The following TSEN15 variants were observed in gnomAD, a reference collection of about 807,000 sequenced individuals.
TSEN15 encodes the protein tRNA splicing endonuclease subunit 15, also known as tRNA-splicing endonuclease subunit Sen15.
A neutral mutation model predicts 20.5 loss-of-function variants in TSEN15; 10 were observed. The ratio of observed to expected loss-of-function variants is 0.49; its 90% confidence interval spans 0.30 to 0.83. The LOEUF is 0.83. Ranked by LOEUF, TSEN15 falls within the 40% of genes least tolerant of loss-of-function variation. The pLI, the probability that TSEN15 is intolerant of heterozygous loss-of-function variation, is 0.06. For missense variants in TSEN15, 180 were observed against 218.6 expected (o/e 0.82, Z 1.11); for synonymous variants, 72 against 80.1 (o/e 0.90, Z 0.54).
chr1:184,095,129 C>T (rs1476173389), intron 3 of TSEN15: 3 of 398,538 alleles, frequency 7.5e-6, no homozygotes, highest in Non-Finnish European at 4.4e-6. Flanking sequence ...CCCCAGAACT[C>T]AGCAGAGTAA....
Position 184,095,383 on chromosome 1 carries a change from C to T in TSEN15, c.354-307C>T, listed in dbSNP as rs554513937. ...ATTCATTGATAAAATGTAGAGAATG[C>T]CCCTGGCTTCCCACACTTGTGGTGA... On this transcript the variant is annotated intron_variant, in intron 3 of 3. Transcript: ENST00000643231. 1.3e-5 allele frequency: 5 copies of T among 379,896 alleles called. No homozygotes were observed. In the South Asian group the frequency reaches 5.8e-4, roughly 44 times the overall value. 23.5% of individuals were successfully genotyped at this position (379,896 alleles called of 1,614,324 possible).
intron 4 of TSEN15, 101 bp from the exon 5 acceptor site, chr1:184,072,726 T>A (rs1650931460): frequency 1.1e-6 from 1 of 925,102 alleles, no homozygotes; most frequent in Non-Finnish European, 1.7e-6. Context: ...ACATACTTTG[T>A]TGGTATAATT....
intron 3 of TSEN15, chr1:184,095,289 A>G (rs961571310): frequency 2.5e-6 from 1 of 395,102 alleles, no homozygotes; most frequent in South Asian, 1.4e-4. Flanking sequence ...CAATAAGAAG[A>G]AAGAGCAACA....
At chr1:184,067,063 A>G (rs1039224865) in intron 3 of TSEN15, among the ~76,000 whole-genome samples, 2 of 152,180 alleles carry the variant, frequency 1.3e-5, no homozygotes, top group African/African-American at 4.8e-5. Context: ...TCAAATTCCA[A>G]TTGTTTATTG....
intron 3 of TSEN15, among the ~76,000 whole-genome samples, chr1:184,066,078 T>G (rs1650645880): frequency 6.6e-6 from 1 of 152,208 alleles, no homozygotes; most frequent in Non-Finnish European, 1.5e-5. Flanking sequence ...ATCCAAGGCA[T>G]CCTATTTTGT....
At chr1:184,057,820 G>A (rs1572703780) in intron 3 of TSEN15, among the ~76,000 whole-genome samples, 1 of 152,012 alleles carries the variant, frequency 6.6e-6, no homozygotes, top group African/African-American at 2.4e-5. Context: ...TGTTTTCTCT[G>A]TGTTTGAGAA....
intron 3 of TSEN15, among the ~76,000 whole-genome samples, chr1:184,061,354 A>G (rs974609700): frequency 4.6e-5 from 7 of 152,090 alleles, no homozygotes; most frequent in African/African-American, 1.7e-4. Flanking sequence ...CTTAAATAAC[A>G]TTTTTATTAG....
chr1:184,067,728 G>A (rs1441326928), intron 3 of TSEN15, among the ~76,000 whole-genome samples: 2 of 151,642 alleles, frequency 1.3e-5, no homozygotes, highest in Non-Finnish European at 2.9e-5. Flanking sequence ...TACCAGCCTG[G>A]CCAACATGGC....
downstream of TSEN15, among the ~76,000 whole-genome samples, chr1:184,078,568 C>T (rs1407060836): frequency 2.0e-5 from 3 of 152,060 alleles, no homozygotes; most frequent in Non-Finnish European, 2.9e-5. Context: ...AGTGTGCCCT[C>T]TGTGCTGGGG....
In TSEN15 at chr1:184,085,609, C is replaced by G. The variant is rs1051727243; in HGVS notation, c.354-10081C>G. Reference sequence around the variant, plus strand: ...CTGCAGGTGACATTTGAGCAGAGACCAGAATGCAGTGAGGGTGGGAGTCAT... The same window carrying G: ...CTGCAGGTGACATTTGAGCAGAGACGAGAATGCAGTGAGGGTGGGAGTCAT... On this transcript the variant is annotated intron_variant, in intron 3 of 3. Transcript: ENST00000643231. 1.1e-4 allele frequency among the ~76,000 whole-genome samples: 16 copies of G among 152,258 alleles called. 1 individual carries two copies. Among genetic ancestry groups the G allele is most frequent in the African/African-American group, 3.9e-4 (16 of 41,552 alleles).
Position 184,072,929 on chromosome 1 carries a change from A to G in TSEN15, c.*82A>G, listed in dbSNP as rs149162259. On this transcript the variant is annotated 3_prime_UTR_variant, in exon 5 of 5. Transcript: ENST00000645668. ...AGACTGCTTCATCTTTTATCTCAGA[A>G]ATAGGGTTGACGTACATAGTGAGGG... 2,109 of 1,396,610 alleles carry G rather than the reference A, an allele frequency of 1.5e-3. 13 individuals are homozygous for G. Among genetic ancestry groups the G allele is most frequent in the African/African-American group, 7.2e-3 (492 of 68,450 alleles). The allele number at this position is 1,396,610 out of a possible 1,614,324, so 86.5% of individuals were successfully genotyped here.
chr1:184,090,984 C>T (rs1250636144), intron 3 of TSEN15, among the ~76,000 whole-genome samples: 1 of 152,172 alleles, frequency 6.6e-6, no homozygotes, highest in Admixed American at 6.5e-5. Flanking sequence ...ATTCCTAAGA[C>T]CCTTGATTAA....
chr1:184,082,407 T>A (rs1651187104), intron 3 of TSEN15, among the ~76,000 whole-genome samples: 1 of 152,164 alleles, frequency 6.6e-6, no homozygotes, highest in African/African-American at 2.4e-5. Flanking sequence ...CCCAGCCATA[T>A]GTGCTTCTCT....
At chr1:184,094,510 C>A (rs11811693) in intron 3 of TSEN15, 3 of 152,496 alleles carry the variant, frequency 2.0e-5, no homozygotes, top group African/African-American at 2.4e-5. Context: ...CGGAAGGCTC[C>A]CACAGGGTCT....
intron 3 of TSEN15, chr1:184,058,164 GTAAT>G: frequency 2.3e-6 from 1 of 426,506 alleles, no homozygotes; most frequent in Non-Finnish European, 4.7e-6. Context: ...TTTCCAGGTG[GTAAT>G]TAATGCTTTT....
At chr1:184,087,923 TGGA>T (rs1447143040) in intron 3 of TSEN15, among the ~76,000 whole-genome samples, 2 of 152,052 alleles carry the variant, frequency 1.3e-5, no homozygotes, top group African/African-American at 4.8e-5. Context: ...GTATCGGAGA[TGGA>T]GGAGAAGAAA....
In TSEN15 at chr1:184,072,183, G is replaced by A. The variant is rs184488794; in HGVS notation, c.380G>A (p.Arg127Gln). ...ATAAGGGAGATCTTGAAGGCATCTC[G>A]AAAGTTGCAAGGTGATCCAGATTTG... Reference protein sequence around the residue: ...NRIREILKASRKLQGDPDLPM... With the variant: ...NRIREILKASQKLQGDPDLPM... The change falls in exon 4 of 5, where the codon CGA becomes CAA. Residue 127 changes from arginine to glutamine, a missense_variant. By Grantham distance (43) the Arg-to-Gln change is conservative (BLOSUM62 1). Coordinates refer to ENST00000645668, the MANE Select transcript of TSEN15 (RefSeq NM_052965.4). The A allele has an allele frequency of 9.9e-5, 160 of 1,613,394 alleles. 1 individual carries two copies. In the Middle Eastern group the frequency reaches 2.1e-3, roughly 22 times the overall value.
chr1:184,057,860 ATTTAATCGCTAGTACTTTCCGGTT>A (rs1650303538), intron 3 of TSEN15, among the ~76,000 whole-genome samples: 1 of 152,102 alleles, frequency 6.6e-6, no homozygotes, highest in Non-Finnish European at 1.5e-5. Flanking sequence ...TTGACATCAG[ATTTAATCGCTAGTACTTTCCGGTT>A]TTTACTAGCA....
At chr1:184,060,297 G>A (rs1280456233) in intron 3 of TSEN15, among the ~76,000 whole-genome samples, 7 of 152,184 alleles carry the variant, frequency 4.6e-5, no homozygotes, top group Non-Finnish European at 1.0e-4. Context: ...GCTCCCTCTC[G>A]ACATGCAAAG....
Sources: gnomAD v4.1 joint callset for allele counts (sites outside exome capture counted in the v4.1 genomes callset) on GRCh38, gnomAD v4.1.1 for gene constraint, MANE v1.5 for transcripts, NCBI Gene and HGNC (gene_info 2026-07-23, HGNC 2026-07-21) for gene names.